DCLK1: variants seen among roughly 807,000 people sequenced by gnomAD.
DCLK1 encodes doublecortin like kinase 1.
In DCLK1, 16 loss-of-function variants were observed where a neutral mutation model predicts 86.2. The ratio of observed to expected loss-of-function variants is 0.19; its 90% CI spans 0.13 to 0.28. DCLK1 has a LOEUF of 0.28. DCLK1 is among the 10% of genes least tolerant of loss of function. DCLK1 has a pLI of 1.00. For missense variants in DCLK1, 590 were observed against 940.2 expected, an observed-to-expected ratio of 0.63 and a Z score of 4.87; for synonymous variants, 369 against 370.5, an observed-to-expected ratio of 1.00 and a Z score of 0.05.
At chr13:36,027,351 G>A (rs1313348322) in intron 3 of DCLK1, among the ~76,000 whole-genome samples, 2 of 152,228 alleles carry the variant, frequency 1.3e-5, no homozygotes, top group South Asian at 2.1e-4. Context: ...ATGAGGCGGA[G>A]CTCATGCAGT....
In DCLK1 at chr13:35,836,097, G is replaced by T; in HGVS notation, c.1165C>A (p.Arg389=). 1 of 1,613,186 alleles carries T rather than the reference G, an allele frequency of 6.2e-7. No homozygotes were observed. The highest frequency in any genetic ancestry group is 2.2e-5 in the East Asian group (1 of 44,802). Residue 389 remains arginine (R), a synonymous_variant, in exon 8 of 17, where the codon CGA becomes AGA. Coordinates refer to ENST00000360631, the MANE Select transcript of DCLK1 (RefSeq NM_001330071.2). ...CCTATTGTTCTTCCGACTTTATATCGTTCTGTTATTGTAGCTGGAATCTGG... is the reference window on the plus strand; with the variant it reads ...CCTATTGTTCTTCCGACTTTATATCTTTCTGTTATTGTAGCTGGAATCTGG... ...GFQIPATITE[R]YKVGRTIGDG...
Position 35,793,495 on chromosome 13 carries a change from T to G in DCLK1, c.1945-16A>C, listed in dbSNP as rs377145626. 4 of 1,570,564 alleles carry G rather than the reference T, an allele frequency of 2.5e-6. No homozygotes were observed. In the African/African-American group the frequency reaches 5.5e-5, roughly 22 times the overall value. On this transcript the variant is annotated splice_polypyrimidine_tract_variant and intron_variant, in intron 15 of 16. Transcript: ENST00000360631. ...GGCCATCATCCTGGAGAAAAAGAAA[T>G]AAAGAGAAGAGAAAAAGAAAGAAAA...
intron 4 of DCLK1, among the ~76,000 whole-genome samples, chr13:35,920,293 G>C (rs1047902301): frequency 3.9e-5 from 6 of 152,284 alleles, no homozygotes; most frequent in Non-Finnish European, 7.3e-5. Flanking sequence ...CACGTATGGA[G>C]CATAGCAATG....
At chr13:35,874,039 T>C (rs1375673570) in intron 4 of DCLK1, among the ~76,000 whole-genome samples, 2 of 152,234 alleles carry the variant, frequency 1.3e-5, no homozygotes, top group African/African-American at 2.4e-5. Flanking sequence ...CTTTTTAGTA[T>C]AGTAGTTTTA....
chr13:35,979,226 C>T (rs181564608), intron 3 of DCLK1, among the ~76,000 whole-genome samples: 40 of 152,288 alleles, frequency 2.6e-4, no homozygotes, highest in Admixed American at 2.4e-3. Context: ...GGGCTGTCAA[C>T]GAAGTGCCAA....
chr13:36,041,321 G>A (rs575754668), intron 3 of DCLK1, among the ~76,000 whole-genome samples: 1 of 152,064 alleles, frequency 6.6e-6, no homozygotes, highest in Non-Finnish European at 1.5e-5. Context: ...TGAGTACCTG[G>A]CTTCCACCAT....
At chr13:36,008,103 C>G (rs1023097450) in intron 3 of DCLK1, among the ~76,000 whole-genome samples, 5 of 147,456 alleles carry the variant, frequency 3.4e-5, no homozygotes, top group Admixed American at 2.0e-4. Flanking sequence ...TAACTACTAA[C>G]AGGATGCTAT....
intron 3 of DCLK1, among the ~76,000 whole-genome samples, chr13:36,082,371 GTGTTA>G (rs1161255640): frequency 6.6e-6 from 1 of 152,162 alleles, no homozygotes; most frequent in Non-Finnish European, 1.5e-5. Context: ...CATGAAATAT[GTGTTA>G]TGTTAATTGA....
At chr13:35,840,589 T>C (rs543855504) in intron 6 of DCLK1, among the ~76,000 whole-genome samples, 2 of 152,224 alleles carry the variant, frequency 1.3e-5, no homozygotes, top group African/African-American at 4.8e-5. Flanking sequence ...GTTTGTGTAA[T>C]GTGCCCATTA....
At chr13:35,856,296 C>G (rs948842960) in intron 5 of DCLK1, among the ~76,000 whole-genome samples, 6 of 152,176 alleles carry the variant, frequency 3.9e-5, no homozygotes. Flanking sequence ...ATTAGACTTC[C>G]TCAGCCAGTA....
At chr13:35,947,047 G>GA (rs372977251) in intron 4 of DCLK1, among the ~76,000 whole-genome samples, 41 of 150,248 alleles carry the variant, frequency 2.7e-4, no homozygotes, top group African/African-American at 7.8e-4. Flanking sequence ...TAAAAACCGT[G>GA]AAAAAAAAAT....
intron 15 of DCLK1, among the ~76,000 whole-genome samples, chr13:35,798,177 C>G (rs911869072): frequency 6.6e-6 from 1 of 152,154 alleles, no homozygotes; most frequent in Non-Finnish European, 1.5e-5. Flanking sequence ...GAGACCTGGC[C>G]TCCTGGTCTC....
intron 6 of DCLK1, chr13:35,850,390 A>T (rs373294429): frequency 9.8e-7 from 1 of 1,022,306 alleles, no homozygotes; most frequent in African/African-American, 1.7e-5. Flanking sequence ...TTCTGGCTCT[A>T]TATTGCCACA....
intron 3 of DCLK1, among the ~76,000 whole-genome samples, chr13:36,107,835 A>G (rs1690476933): frequency 6.6e-6 from 1 of 152,148 alleles, no homozygotes; most frequent in Non-Finnish European, 1.5e-5. Flanking sequence ...TATTTTAAGC[A>G]CTTAAAAAAT....
intron 16 of DCLK1, among the ~76,000 whole-genome samples, chr13:35,789,352 G>T (rs1396761518): frequency 6.6e-6 from 1 of 152,110 alleles, no homozygotes; most frequent in African/African-American, 2.4e-5. Context: ...TATAAACTAG[G>T]CTATCCAAGT....
chr13:35,920,877 C>A (rs1875762311), intron 4 of DCLK1, among the ~76,000 whole-genome samples: 1 of 151,988 alleles, frequency 6.6e-6, no homozygotes, highest in South Asian at 2.1e-4. Flanking sequence ...TGCCCGTGGT[C>A]CCTCACCTAT....
chr13:35,922,929 T>C (rs1465531752), intron 4 of DCLK1, among the ~76,000 whole-genome samples: 1 of 152,152 alleles, frequency 6.6e-6, no homozygotes, highest in East Asian at 1.9e-4. Context: ...CCATCTGCTT[T>C]AGATCTGAAG....
intron 11 of DCLK1, among the ~76,000 whole-genome samples, chr13:35,815,938 A>C (rs1490974210): frequency 6.6e-6 from 1 of 152,202 alleles, no homozygotes; most frequent in East Asian, 1.9e-4. Context: ...AATTAAACGA[A>C]AAAGTAAAAT....
At chr13:36,066,723 C>T (rs1006009419) in intron 3 of DCLK1, among the ~76,000 whole-genome samples, 10 of 151,906 alleles carry the variant, frequency 6.6e-5, no homozygotes, top group African/African-American at 2.4e-4. Context: ...AAAAAACAAA[C>T]AACCCCATCA....
Sources: gnomAD v4.1 joint callset for allele counts (sites outside exome capture counted in the v4.1 genomes callset) on GRCh38, gnomAD v4.1.1 for gene constraint, MANE v1.5 for transcripts, NCBI Gene and HGNC (gene_info 2026-07-23, HGNC 2026-07-21) for gene names.